GALNT13: variants seen among roughly 807,000 people sequenced by gnomAD.
The protein encoded by GALNT13 is polypeptide N-acetylgalactosaminyltransferase 13.
GALNT13 carries 28 observed loss-of-function variants against 64.2 expected under a neutral mutation model. The ratio of observed to expected loss-of-function variants is 0.44; its 90% CI spans 0.32 to 0.60. The LOEUF is 0.60. Among genes scored for constraint, GALNT13 ranks in the 20% least tolerant of loss-of-function variants. The probability of loss-of-function intolerance (pLI) is 0.05; values close to 1 mark genes in which losing one functional copy is unlikely to be tolerated. For synonymous variants in GALNT13, 214 were observed against 224.6 expected, an observed-to-expected ratio of 0.95 and a Z score of 0.42; for missense variants, 577 against 669.8, an observed-to-expected ratio of 0.86 and a Z score of 1.53.
intron 3 of GALNT13, among the ~76,000 whole-genome samples, chr2:154,026,238 A>G (rs1697955612): frequency 6.6e-6 from 1 of 152,172 alleles, no homozygotes; most frequent in Admixed American, 6.5e-5. Context: ...GGCTATATTG[A>G]GAAGATAGTT....
chr2:153,300,825 T>C, the GALNT13 span, among the ~76,000 whole-genome samples: 5 of 152,250 alleles, frequency 3.3e-5, no homozygotes, highest in East Asian at 1.9e-4. Flanking sequence ...TTAGTGGTTA[T>C]TGGAAAAATT....
chr2:153,572,942 T>C, the GALNT13 span, among the ~76,000 whole-genome samples: 1 of 151,708 alleles, frequency 6.6e-6, no homozygotes, highest in African/African-American at 2.4e-5. Flanking sequence ...ATTCTGTAAA[T>C]ATCTATTAGA....
chr2:153,191,222 C>G, the GALNT13 span, among the ~76,000 whole-genome samples: 3 of 152,064 alleles, frequency 2.0e-5, no homozygotes, highest in East Asian at 5.8e-4. Context: ...TCTTATATGG[C>G]CTTTATTATG....
At chr2:153,178,178 G>A in the GALNT13 span, among the ~76,000 whole-genome samples, 3 of 152,304 alleles carry the variant, frequency 2.0e-5, no homozygotes, top group South Asian at 6.2e-4. Context: ...GAAGAGTACA[G>A]ATATCTCTTT....
chr2:154,366,212 G>T (rs1217882776), intron 9 of GALNT13, among the ~76,000 whole-genome samples: 1 of 152,038 alleles, frequency 6.6e-6, no homozygotes, highest in African/African-American at 2.4e-5. Flanking sequence ...CCCAGATGCA[G>T]AAAGTCATAA....
the GALNT13 span, among the ~76,000 whole-genome samples, chr2:153,551,258 T>G: frequency 6.6e-6 from 1 of 152,162 alleles, no homozygotes; most frequent in Admixed American, 6.5e-5. Context: ...CTGACCACAC[T>G]CCTACGTTTG....
the GALNT13 span, among the ~76,000 whole-genome samples, chr2:153,671,273 A>G: frequency 6.6e-6 from 1 of 152,176 alleles, no homozygotes; most frequent in African/African-American, 2.4e-5. Flanking sequence ...GTTGAAATGA[A>G]GGAAAAAATG....
chr2:154,304,317 G>A (rs1222656503), intron 9 of GALNT13, among the ~76,000 whole-genome samples: 1 of 152,170 alleles, frequency 6.6e-6, no homozygotes, highest in Non-Finnish European at 1.5e-5. Context: ...GCAAGAGCAT[G>A]TAATATTCAA....
the GALNT13 span, among the ~76,000 whole-genome samples, chr2:153,337,389 G>T: frequency 6.6e-6 from 1 of 152,106 alleles, no homozygotes; most frequent in East Asian, 1.9e-4. Flanking sequence ...TTTCACTAAT[G>T]ATCATAATAA....
At chr2:153,440,693 A>G in the GALNT13 span, among the ~76,000 whole-genome samples, 2 of 152,170 alleles carry the variant, frequency 1.3e-5, no homozygotes, top group Admixed American at 6.5e-5. Context: ...GCAGTTATCT[A>G]ATGACCAGTG....
chr2:153,745,262 G>T, the GALNT13 span, among the ~76,000 whole-genome samples: 1 of 152,114 alleles, frequency 6.6e-6, no homozygotes, highest in Admixed American at 6.6e-5. Context: ...ATAAAAACAG[G>T]TTATGTACAA....
At chr2:153,572,415 C>T in the GALNT13 span, among the ~76,000 whole-genome samples, 10 of 148,374 alleles carry the variant, frequency 6.7e-5, no homozygotes, top group South Asian at 1.3e-3. Flanking sequence ...TTTGTTTTAT[C>T]GATCTTTTGT....
At position 154,044,110 on chromosome 2, in the gene GALNT13, TGGGCTTAGTAAATATAGAA is replaced by T. The variant is rs200249601; in HGVS notation, c.143-96224_143-96206del. 1.6e-4 allele frequency among the ~76,000 whole-genome samples: 24 copies of T among 152,040 alleles called. No individual in the cohort carries two copies. In the East Asian group the frequency reaches 2.1e-3, roughly 14 times the overall value. Reference sequence around the variant, plus strand: ...ATAAAAAATAAAAAAATATAAGATTTGGGCTTAGTAAATATAGAAGGCTTTGTAGGGGATCAAGTTTGAA... The same window carrying T: ...ATAAAAAATAAAAAAATATAAGATTTGGCTTTGTAGGGGATCAAGTTTGAA... On this transcript the variant is annotated intron_variant, in intron 3 of 12. Transcript: ENST00000392825.
the GALNT13 span, among the ~76,000 whole-genome samples, chr2:153,656,964 A>G: frequency 6.6e-6 from 1 of 152,132 alleles, no homozygotes; most frequent in East Asian, 1.9e-4. Context: ...AAAATTAAGA[A>G]GGCAAAGGCA....
chr2:153,774,099 T>G, the GALNT13 span, among the ~76,000 whole-genome samples: 1 of 152,102 alleles, frequency 6.6e-6, no homozygotes, highest in Non-Finnish European at 1.5e-5. Flanking sequence ...GAAAACTAGT[T>G]GAAATACATA....
At chr2:153,844,756 C>A in the GALNT13 span, among the ~76,000 whole-genome samples, 3 of 152,202 alleles carry the variant, frequency 2.0e-5, no homozygotes, top group Non-Finnish European at 4.4e-5. Flanking sequence ...CACATCTAAG[C>A]TTAGGCTGTT....
At chr2:153,322,804 T>C in the GALNT13 span, among the ~76,000 whole-genome samples, 1,412 of 151,232 alleles carry the variant, frequency 9.3e-3, 25 homozygotes, top group East Asian at 0.084. Context: ...TTCCAGCTTC[T>C]ATGTTTCTGC....
intron 10 of GALNT13, among the ~76,000 whole-genome samples, chr2:154,407,416 A>T (rs548910772): frequency 6.6e-6 from 1 of 152,134 alleles, no homozygotes; most frequent in Non-Finnish European, 1.5e-5. Flanking sequence ...ATATAATTTG[A>T]TCAGACTATG....
the GALNT13 span, among the ~76,000 whole-genome samples, chr2:153,277,148 G>T: frequency 6.6e-6 from 1 of 152,134 alleles, no homozygotes; most frequent in Non-Finnish European, 1.5e-5. Flanking sequence ...AATTGATCCC[G>T]TCACCTAGTT....
Sources: gnomAD v4.1 joint callset for allele counts (sites outside exome capture counted in the v4.1 genomes callset) on GRCh38, gnomAD v4.1.1 for gene constraint, MANE v1.5 for transcripts, NCBI Gene and HGNC (gene_info 2026-07-23, HGNC 2026-07-21) for gene names.